Variants in RBFOX1 observed in about 807,000 individuals in gnomAD.
RBFOX1 encodes the protein RNA binding protein fox-1 homolog 1.
RBFOX1 carries 8 observed loss-of-function variants against 57.7 expected under a neutral mutation model. The observed-to-expected ratio is 0.14, with a 90% CI of 0.08 to 0.25. The LOEUF (loss-of-function observed/expected upper bound fraction) is 0.25, where lower values mean the gene tolerates loss of function less well. Among genes scored for constraint, RBFOX1 ranks in the 10% least tolerant of loss-of-function variants. The probability of loss-of-function intolerance (pLI) is 1.00; values close to 1 mark genes in which losing one functional copy is unlikely to be tolerated. For missense variants in RBFOX1, 611 were observed against 548.5 expected (o/e 1.11, Z -1.14); for synonymous variants, 326 against 222.4 (o/e 1.47, Z -4.15).
chr16:7,019,906 C>G (rs1338863991), intron 3 of RBFOX1, among the ~76,000 whole-genome samples: 1 of 152,128 alleles, frequency 6.6e-6, no homozygotes, highest in Admixed American at 6.5e-5. Flanking sequence ...AAACCCTGCT[C>G]TCTTTTACCT....
In RBFOX1 at chr16:6,854,615, G is replaced by C. The variant is rs186132763; in HGVS notation, c.-15-197442G>C. ...TTTTTTTTTTTTTTTTTTTTTTTGAGACTGAGTCTCGCTGTTTTGCCCAGG... is the reference window on the plus strand; with the variant it reads ...TTTTTTTTTTTTTTTTTTTTTTTGACACTGAGTCTCGCTGTTTTGCCCAGG... On this transcript the variant is annotated intron_variant, in intron 3 of 15. Coordinates refer to ENST00000550418, the MANE Select transcript of RBFOX1 (RefSeq NM_018723.4). 8.8e-3 allele frequency among the ~76,000 whole-genome samples: 428 copies of C among 48,520 alleles called. 3 individuals are homozygous for C. The highest frequency in any genetic ancestry group is 0.046 in the African/African-American group (404 of 8,752). 31.8% of individuals were successfully genotyped at this position (48,520 alleles called of 152,430 possible). A position where few individuals can be genotyped will look rare whatever the true frequency, so the allele number is the denominator to read the frequency against.
intron 3 of RBFOX1, among the ~76,000 whole-genome samples, chr16:7,024,259 G>T (rs905671029): frequency 2.6e-5 from 4 of 152,148 alleles, no homozygotes; most frequent in African/African-American, 9.7e-5. Context: ...TGAATGCACA[G>T]AGACATGGTG....
intron 9 of RBFOX1, among the ~76,000 whole-genome samples, chr16:7,598,293 T>G (rs1226149761): frequency 6.6e-6 from 1 of 151,886 alleles, no homozygotes; most frequent in African/African-American, 2.4e-5. Flanking sequence ...ATTAAAAAAT[T>G]GACATAAATG....
At chr16:7,693,221 C>G in intron 14 of RBFOX1, 3 of 999,274 alleles carry the variant, frequency 3.0e-6, no homozygotes, top group Non-Finnish European at 4.8e-6. Context: ...ACGCAGCACC[C>G]TTCCCTCCCC....
rs556564967 is a variant in RBFOX1 at position 5,451,853 on chromosome 16, A to G, written c.220-15363A>G. Among the ~76,000 whole-genome samples the G allele has an allele frequency of 1.4e-4, 21 of 152,088 alleles. No individual in the cohort carries two copies. In the South Asian group the frequency reaches 4.4e-3, roughly 32 times the overall value. On this transcript the variant is annotated intron_variant, in intron 1 of 2. Coordinates refer to the RBFOX1 transcript ENST00000585867. ...GCATACTCTCTGGGTGGGCTTAGTCATGCCTACAACTCCCAGCTGCCCACG... is the reference window on the plus strand; with the variant it reads ...GCATACTCTCTGGGTGGGCTTAGTCGTGCCTACAACTCCCAGCTGCCCACG...
chr16:7,419,177 G>T (rs1597978564), intron 4 of RBFOX1, among the ~76,000 whole-genome samples: 1 of 152,222 alleles, frequency 6.6e-6, no homozygotes, highest in East Asian at 1.9e-4. Flanking sequence ...CAAAGTGCTG[G>T]GATTACAAGC....
intron 5 of RBFOX1, among the ~76,000 whole-genome samples, chr16:7,541,161 C>G (rs12596129): frequency 0.13 from 19,248 of 152,218 alleles, 1,292 homozygotes; most frequent in African/African-American, 0.18. Context: ...ATAATTCACT[C>G]TAATTACTCA....
chr16:5,364,745 C>G (rs1372820366), intron 1 of RBFOX1, among the ~76,000 whole-genome samples: 1 of 151,826 alleles, frequency 6.6e-6, no homozygotes, highest in African/African-American at 2.4e-5. Flanking sequence ...TGAGCTGATT[C>G]TGTGGCAGAC....
intron 3 of RBFOX1, among the ~76,000 whole-genome samples, chr16:5,784,237 T>C (rs868849013): frequency 7.2e-5 from 11 of 152,132 alleles, no homozygotes; most frequent in African/African-American, 1.9e-4. Context: ...CTGGCTAACG[T>C]GGTGAAACCC....
chr16:5,834,687 G>A (rs796790035), intron 3 of RBFOX1, among the ~76,000 whole-genome samples: 22 of 134,798 alleles, frequency 1.6e-4, no homozygotes, highest in Admixed American at 7.4e-5. Flanking sequence ...AATGGGATAG[G>A]TAGATAGATA....
intron 3 of RBFOX1, among the ~76,000 whole-genome samples, chr16:6,860,416 T>C (rs529048366): frequency 6.6e-6 from 1 of 152,336 alleles, no homozygotes; most frequent in South Asian, 2.1e-4. Context: ...TACAAAACAC[T>C]ACACGTTGGC....
chr16:5,793,682 G>A (rs956948988), intron 3 of RBFOX1, among the ~76,000 whole-genome samples: 7 of 152,212 alleles, frequency 4.6e-5, no homozygotes, highest in African/African-American at 1.7e-4. Context: ...GGCCCAGACT[G>A]GTCACCCCAT....
At chr16:7,080,069 ACATATATACATATG>A in intron 4 of RBFOX1, among the ~76,000 whole-genome samples, 1 of 135,836 alleles carries the variant, frequency 7.4e-6, no homozygotes, top group African/African-American at 3.1e-5. Flanking sequence ...TTATATATAT[ACATATATACATATG>A]TATATATGTA....
At chr16:7,485,463 T>C (rs1238609653) in intron 4 of RBFOX1, among the ~76,000 whole-genome samples, 1 of 152,232 alleles carries the variant, frequency 6.6e-6, no homozygotes, top group Non-Finnish European at 1.5e-5. Context: ...AGCTGAATGC[T>C]TCAACCTCCC....
chr16:7,111,966 G>C (rs1225740939), intron 4 of RBFOX1, among the ~76,000 whole-genome samples: 1 of 152,080 alleles, frequency 6.6e-6, no homozygotes, highest in African/African-American at 2.4e-5. Flanking sequence ...AATTATTGGA[G>C]GCTTAACCCT....
At chr16:6,025,028 C>A (rs897530827) in intron 1 of RBFOX1, among the ~76,000 whole-genome samples, 1 of 152,186 alleles carries the variant, frequency 6.6e-6, no homozygotes. Flanking sequence ...CCTATAGGCC[C>A]TTGTGGCCTG....
intron 2 of RBFOX1, among the ~76,000 whole-genome samples, chr16:6,569,808 C>T (rs990349549): frequency 6.6e-6 from 1 of 152,128 alleles, no homozygotes; most frequent in South Asian, 2.1e-4. Flanking sequence ...ACGGCTGTTT[C>T]GTTAAGTTCT....
chr16:6,828,212 A>G (rs1407259695), intron 3 of RBFOX1, among the ~76,000 whole-genome samples: 1 of 152,146 alleles, frequency 6.6e-6, no homozygotes, highest in Non-Finnish European at 1.5e-5. Context: ...GTGAGAAACA[A>G]TACAGGTAGT....
At chr16:6,208,492 T>C (rs1442426167) in intron 1 of RBFOX1, among the ~76,000 whole-genome samples, 1 of 152,144 alleles carries the variant, frequency 6.6e-6, no homozygotes, top group African/African-American at 2.4e-5. Flanking sequence ...CCTGCCCCTT[T>C]GGAGGTCAAG....
Sources: gnomAD v4.1 joint callset for allele counts (sites outside exome capture counted in the v4.1 genomes callset) on GRCh38, gnomAD v4.1.1 for gene constraint, MANE v1.5 for transcripts, NCBI Gene and HGNC (gene_info 2026-07-23, HGNC 2026-07-21) for gene names.